The following ATAD1 variants were observed in gnomAD, a reference collection of about 807,000 sequenced individuals.
The protein encoded by ATAD1 is outer mitochondrial transmembrane helix translocase.
Under a neutral mutation model 42.7 loss-of-function variants are expected in ATAD1, and 18 were observed. The observed-to-expected ratio is 0.42, with a 90% CI of 0.29 to 0.63. The LOEUF (loss-of-function observed/expected upper bound fraction) is 0.63, where lower values mean the gene tolerates loss of function less well. Ranked by LOEUF, ATAD1 falls within the 20% of genes least tolerant of loss-of-function variation. The pLI is 0.19. For missense variants in ATAD1, 294 were observed against 440.4 expected (o/e 0.67, Z 2.98); for synonymous variants, 132 against 143.1 (o/e 0.92, Z 0.55).
chr10:87,812,193 TA>T (rs1289779215), intron 2 of ATAD1, among the ~76,000 whole-genome samples: 1 of 152,210 alleles, frequency 6.6e-6, no homozygotes, highest in African/African-American at 2.4e-5. Flanking sequence ...GAATTATCCT[TA>T]AAACATTGTA....
intron 2 of ATAD1, among the ~76,000 whole-genome samples, chr10:87,796,703 T>C (rs1856405768): frequency 6.6e-6 from 1 of 152,220 alleles, no homozygotes; most frequent in Non-Finnish European, 1.5e-5. Context: ...CACATTTTGG[T>C]GACCATGAAG....
At chr10:87,828,204 C>A (rs1354950142) in intron 1 of ATAD1, among the ~76,000 whole-genome samples, 1 of 152,066 alleles carries the variant, frequency 6.6e-6, no homozygotes, top group African/African-American at 2.4e-5. Context: ...TCTCAAGCAT[C>A]CTCCCATATT....
At chr10:87,773,241 C>T (rs73352857) in intron 6 of ATAD1, among the ~76,000 whole-genome samples, 85 of 152,230 alleles carry the variant, frequency 5.6e-4, no homozygotes, top group African/African-American at 2.0e-3. Context: ...AAATTTACAT[C>T]CCAAAACTTT....
chr10:87,823,390 C>T (rs1589572032), intron 1 of ATAD1, among the ~76,000 whole-genome samples: 1 of 152,086 alleles, frequency 6.6e-6, no homozygotes, highest in East Asian at 1.9e-4. Flanking sequence ...CAGTACTGTT[C>T]AAATGATACT....
At chr10:87,757,131 T>C (rs1429159311) in intron 8 of ATAD1, among the ~76,000 whole-genome samples, 1 of 152,092 alleles carries the variant, frequency 6.6e-6, no homozygotes, top group African/African-American at 2.4e-5. Flanking sequence ...CAAATAATTA[T>C]TACTAGATAC....
intron 1 of ATAD1, among the ~76,000 whole-genome samples, chr10:87,824,407 A>G (rs1317741746): frequency 1.3e-5 from 2 of 152,194 alleles, no homozygotes; most frequent in Non-Finnish European, 2.9e-5. Context: ...CTGGGTTTGA[A>G]TTTAAGATCT....
intron 5 of ATAD1, 43 bp from the exon 6 acceptor site, chr10:87,776,470 TA>T: frequency 6.7e-7 from 1 of 1,502,456 alleles, no homozygotes; most frequent in Non-Finnish European, 9.2e-7. Flanking sequence ...AAGAATTAAT[TA>T]TTTACCCTTT....
chr10:87,829,752 T>C lies in ATAD1; in HGVS notation c.-14+11435A>G, dbSNP rs114487149. Among the ~76,000 whole-genome samples the C allele has an allele frequency of 1.4e-3, 211 of 152,290 alleles. 1 individual carries two copies. Among genetic ancestry groups the C allele is most frequent in the African/African-American group, 4.7e-3 (195 of 41,548 alleles). On this transcript the variant is annotated intron_variant, in intron 1 of 4. Coordinates refer to the ATAD1 transcript ENST00000495903. ...AAATTAGAAGTGGAGTCTGAAGATG[T>C]GACTGAATTGCTGCCATCCCCTGAT...
chr10:87,807,588 C>A lies in ATAD1; in HGVS notation c.162+6850G>T, dbSNP rs548092173. On this transcript the variant is annotated intron_variant, in intron 2 of 9. Transcript: ENST00000680024. ...TGTTTATTGACCACTGGAGATTTTTCTTTTTTAATGTGTCTATTTAAGTTT... is the reference window on the plus strand; with the variant it reads ...TGTTTATTGACCACTGGAGATTTTTATTTTTTAATGTGTCTATTTAAGTTT... 5.3e-5 allele frequency among the ~76,000 whole-genome samples: 8 copies of A among 152,006 alleles called. 1 individual carries two copies. In the East Asian group the frequency reaches 1.5e-3, roughly 29 times the overall value.
intron 7 of ATAD1, among the ~76,000 whole-genome samples, chr10:87,769,464 C>T (rs1426442889): frequency 6.6e-6 from 1 of 152,190 alleles, no homozygotes; most frequent in Non-Finnish European, 1.5e-5. Flanking sequence ...CCATGGACTT[C>T]CCTGACAGAA....
intron 1 of ATAD1, among the ~76,000 whole-genome samples, chr10:87,815,365 A>G (rs890257415): frequency 5.3e-5 from 8 of 151,816 alleles, no homozygotes; most frequent in African/African-American, 1.7e-4. Context: ...GAAGACATAC[A>G]CTCCTCTGTC....
chr10:87,768,059 A>G (rs1284556298), intron 7 of ATAD1, among the ~76,000 whole-genome samples: 22 of 152,162 alleles, frequency 1.4e-4, no homozygotes, highest in Admixed American at 1.4e-3. Flanking sequence ...CCCTTCATGC[A>G]GGAAACTCAT....
chr10:87,767,041 T>C (rs1027680926), intron 8 of ATAD1, among the ~76,000 whole-genome samples: 1 of 151,932 alleles, frequency 6.6e-6, no homozygotes, highest in African/African-American at 2.4e-5. Flanking sequence ...TGCAATTAAG[T>C]AAAAAACAAC....
At chr10:87,790,475 C>T in intron 3 of ATAD1, 45 bp from the exon 4 acceptor site, 2 of 1,545,684 alleles carry the variant, frequency 1.3e-6, no homozygotes, top group Non-Finnish European at 1.7e-6. Context: ...CAAATGTACA[C>T]TCACTAAAGT....
At chr10:87,818,378 T>C, upstream of ATAD1, 1 of 458,906 alleles carries the variant, frequency 2.2e-6, no homozygotes, top group South Asian at 9.2e-5. Context: ...CTGCTTAAGC[T>C]ACCTGCTAGA....
At chr10:87,770,198 T>C (rs1270479186) in intron 7 of ATAD1, among the ~76,000 whole-genome samples, 1 of 152,166 alleles carries the variant, frequency 6.6e-6, no homozygotes, top group Non-Finnish European at 1.5e-5. Flanking sequence ...ACAAATGATT[T>C]TTAGCCAGAT....
At chr10:87,774,005 G>A (rs1564747967) in intron 6 of ATAD1, among the ~76,000 whole-genome samples, 2 of 152,080 alleles carry the variant, frequency 1.3e-5, no homozygotes, top group Non-Finnish European at 1.5e-5. Context: ...TCTATGTTAT[G>A]TTTTTTCTTG....
Position 87,754,023 on chromosome 10 carries a change from C to A in ATAD1, c.*664G>T, listed in dbSNP as rs1854116361. On this transcript the variant is annotated 3_prime_UTR_variant, in exon 10 of 10. Transcript: ENST00000680024. ...TAGTATTTTCATTTGATTATCCTGA[C>A]AAACATAATAATTGAGCCCATGTAT... 1 of 152,228 alleles carries A rather than the reference C, an allele frequency of 6.6e-6. No homozygotes were observed. Among genetic ancestry groups the A allele is most frequent in the Non-Finnish European group, 1.5e-5 (1 of 68,028 alleles). 9.4% of individuals were successfully genotyped at this position (152,228 alleles called of 1,614,324 possible). A position where few individuals can be genotyped will look rare whatever the true frequency, so the allele number is the denominator to read the frequency against.
At chr10:87,824,237 G>T (rs1217618637) in intron 1 of ATAD1, among the ~76,000 whole-genome samples, 7 of 152,134 alleles carry the variant, frequency 4.6e-5, no homozygotes, top group South Asian at 2.1e-4. Context: ...AAAAAGGGAA[G>T]GGGGGAGGAA....
Sources: gnomAD v4.1 joint callset for allele counts (sites outside exome capture counted in the v4.1 genomes callset) on GRCh38, gnomAD v4.1.1 for gene constraint, MANE v1.5 for transcripts, NCBI Gene and HGNC (gene_info 2026-07-23, HGNC 2026-07-21) for gene names.